Variants in SLC40A1 observed in about 807,000 individuals in gnomAD.
SLC40A1 encodes solute carrier family 40 member 1.
In SLC40A1, 16 loss-of-function variants were observed where a neutral mutation model predicts 53.5. The observed-to-expected ratio is 0.30, with a 90% CI of 0.20 to 0.45. The LOEUF is 0.45. Among genes scored for constraint, SLC40A1 ranks in the 20% least tolerant of loss-of-function variants. The pLI is 1.00. For missense variants in SLC40A1, 545 were observed against 695.4 expected (o/e 0.78, Z 2.43); for synonymous variants, 247 against 253.2 (o/e 0.98, Z 0.23).
In SLC40A1 at chr2:189,580,769, T is replaced by TCTG; in HGVS notation, c.-310_-309insCAG. 8.3e-7 allele frequency: 1 copy of TCTG among 1,208,510 alleles called. No individual in the cohort carries two copies. The highest frequency in any genetic ancestry group is 1.6e-5 in the South Asian group (1 of 61,746). The allele number at this position is 1,208,510 out of a possible 1,614,324, so 74.9% of individuals were successfully genotyped here. A position where few individuals can be genotyped will look rare whatever the true frequency, so the allele number is the denominator to read the frequency against. On this transcript the variant is annotated 5_prime_UTR_variant, in exon 1 of 8. Transcript: ENST00000261024. ...TAGCGGACGCCCTGAGCCAGCTCTC[T>TCTG]CCGCCGCCGCCGCCGCCGCCGTGGG... is the stretch of plus-strand genomic sequence containing the variant.
At chr2:189,579,966 A>G in intron 1 of SLC40A1, 86 bp from the exon 2 acceptor site, 1 of 1,322,750 alleles carries the variant, frequency 7.6e-7, no homozygotes, top group South Asian at 1.2e-5. Flanking sequence ...TGATCTCATT[A>G]GAACATGATT....
intron 3 of SLC40A1, among the ~76,000 whole-genome samples, chr2:189,574,124 T>C (rs2031218007): frequency 6.6e-6 from 1 of 152,198 alleles, no homozygotes; most frequent in South Asian, 2.1e-4. Flanking sequence ...GTTGATTATA[T>C]AGGATAAGTG....
chr2:189,563,014 C>T (rs1202454485), intron 7 of SLC40A1, among the ~76,000 whole-genome samples: 1 of 151,696 alleles, frequency 6.6e-6, no homozygotes, highest in African/African-American at 2.4e-5. Context: ...ATTAATATAG[C>T]TAATATCTTT....
At chr2:189,576,362 G>A (rs2031285404) in intron 2 of SLC40A1, among the ~76,000 whole-genome samples, 1 of 152,114 alleles carries the variant, frequency 6.6e-6, no homozygotes, top group African/African-American at 2.4e-5. Flanking sequence ...TGTATTAGAA[G>A]CAAATACTAT....
At chr2:189,570,056 ATATG>A (rs965299869) in intron 5 of SLC40A1, among the ~76,000 whole-genome samples, 15 of 149,788 alleles carry the variant, frequency 1.0e-4, no homozygotes, top group African/African-American at 1.5e-4. Flanking sequence ...ACACACCTAT[ATATG>A]TATGTATATA....
rs749322485 is a variant in SLC40A1, at chr2:189,580,399, T to G, written c.43+19A>C. 5 of 1,613,332 alleles carry G rather than the reference T, an allele frequency of 3.1e-6. No homozygotes were observed. The African/African-American group carries it at 6.7e-5, about 22-fold the overall frequency. ...CCCACCTGGGTTTCCACCATATGCT[T>G]TCGGTCAACGACACTCACCACAGCA... On this transcript the variant is annotated intron_variant, in intron 1 of 7. Coordinates refer to ENST00000261024, the MANE Select transcript of SLC40A1 (RefSeq NM_014585.6).
At chr2:189,570,182 T>C (rs2031083324) in intron 5 of SLC40A1, among the ~76,000 whole-genome samples, 1 of 151,822 alleles carries the variant, frequency 6.6e-6, no homozygotes, top group African/African-American at 2.4e-5. Flanking sequence ...TTCTTTTTCA[T>C]ATTTCAGACT....
intron 7 of SLC40A1, among the ~76,000 whole-genome samples, chr2:189,562,424 C>G (rs1049084272): frequency 3.3e-5 from 5 of 152,110 alleles, no homozygotes; most frequent in African/African-American, 1.2e-4. Context: ...GAAGTCTAAT[C>G]TACAAACTTC....
At chr2:189,577,632 T>G (rs1190075261) in intron 2 of SLC40A1, among the ~76,000 whole-genome samples, 14 of 145,364 alleles carry the variant, frequency 9.6e-5, no homozygotes, top group African/African-American at 3.2e-4. Context: ...TTTTTTTTTT[T>G]GAGACAGGGT....
rs2031432818 is a variant in SLC40A1, at chr2:189,580,500, C to T, written c.-40G>A. Reference sequence around the variant, plus strand: ...CCGCTGGCTCTTCTGCGGCTGCTATCGCTGCTGCTGCTCTCGCTGAGGTGC... The same window carrying T: ...CCGCTGGCTCTTCTGCGGCTGCTATTGCTGCTGCTGCTCTCGCTGAGGTGC... On this transcript the variant is annotated 5_prime_UTR_variant, in exon 1 of 8. Coordinates refer to ENST00000261024, the MANE Select transcript of SLC40A1 (RefSeq NM_014585.6). 3 of 1,612,046 alleles carry T rather than the reference C, an allele frequency of 1.9e-6. No homozygotes were observed. The highest frequency in any genetic ancestry group is 1.7e-6 in the Non-Finnish European group (2 of 1,179,790).
At chr2:189,565,250 C>A in intron 6 of SLC40A1, 104 bp downstream of exon 6, 1 of 1,416,270 alleles carries the variant, frequency 7.1e-7, no homozygotes, top group Admixed American at 1.7e-5. Flanking sequence ...ATCTGGCCCC[C>A]ACTGGTAATA....
At chr2:189,579,473 G>A (rs1123110) in intron 2 of SLC40A1, among the ~76,000 whole-genome samples, 85,023 of 151,994 alleles carry the variant, frequency 0.56, 25,269 homozygotes, top group East Asian at 0.81. Context: ...AGGTATATGA[G>A]ACATCCATCC....
chr2:189,574,640 T>C (rs1170052918), intron 3 of SLC40A1, among the ~76,000 whole-genome samples: 2 of 152,212 alleles, frequency 1.3e-5, no homozygotes, highest in African/African-American at 4.8e-5. Flanking sequence ...AATATCAAGA[T>C]ATTATTATTT....
At chr2:189,579,428 A>C (rs2031388550) in intron 2 of SLC40A1, among the ~76,000 whole-genome samples, 1 of 152,252 alleles carries the variant, frequency 6.6e-6, no homozygotes, top group Admixed American at 6.5e-5. Context: ...TTAACAAAAA[A>C]AGAAAACAAA....
chr2:189,579,068 C>T (rs536606928), intron 2 of SLC40A1, among the ~76,000 whole-genome samples: 2 of 152,272 alleles, frequency 1.3e-5, no homozygotes, highest in South Asian at 4.1e-4. Context: ...TTCTAATCAT[C>T]ACTGAACATA....
intron 3 of SLC40A1, 94 bp from the exon 4 acceptor site, chr2:189,573,055 A>G (rs991875914): frequency 5.7e-6 from 5 of 880,786 alleles, no homozygotes; most frequent in Non-Finnish European, 9.6e-6. Context: ...TAATACATTA[A>G]TACACAGACC....
rs1436123615 is a variant in SLC40A1 at position 189,563,951 on chromosome 2, C to T, written c.1035G>A (p.Leu345=). 1.2e-6 allele frequency: 2 copies of T among 1,614,110 alleles called. No homozygotes were observed. Among genetic ancestry groups the T allele is most frequent in the Non-Finnish European group, 1.7e-6 (2 of 1,179,998 alleles). ...QGLSGSILSI[L]MGASAITGIM... ...TTCCAGTTATAGCTGATGCTCCCAT[C>T]AAAATACTGAGGATGGAACCACTCA... Residue 345 remains leucine, a synonymous_variant, in exon 7 of 8, where the codon TTG becomes TTA. Coordinates refer to ENST00000261024, the MANE Select transcript of SLC40A1 (RefSeq NM_014585.6).
chr2:189,565,679 TA>T (rs2030918690), intron 5 of SLC40A1, 80 bp from the exon 6 acceptor site: 2 of 1,570,576 alleles, frequency 1.3e-6, no homozygotes, highest in Non-Finnish European at 1.8e-6. Context: ...TACAAAGCTG[TA>T]AACCAAGAGT....
intron 3 of SLC40A1, 144 bp downstream of exon 3, chr2:189,575,017 T>G (rs2031245212): frequency 1.1e-6 from 1 of 894,392 alleles, no homozygotes; most frequent in Admixed American, 1.8e-5. Flanking sequence ...CCAGAGGTGG[T>G]GCCATCTAAG....
Sources: allele counts gnomAD v4.1 joint callset (sites outside exome capture counted in the v4.1 genomes callset), GRCh38; gene constraint gnomAD v4.1.1; transcripts MANE v1.5; gene names NCBI Gene and HGNC (gene_info 2026-07-23, HGNC 2026-07-21).